The following PTP4A3 variants were observed in gnomAD, a reference collection of about 807,000 sequenced individuals.
PTP4A3 encodes protein tyrosine phosphatase 4A3.
Under a neutral mutation model 15.2 loss-of-function variants are expected in PTP4A3, and 9 were observed. That is an observed-to-expected ratio of 0.59 (90% CI 0.36 to 1.03). The LOEUF (loss-of-function observed/expected upper bound fraction) is 1.03. PTP4A3 is among the 50% of genes least tolerant of loss of function. PTP4A3 has a pLI of 0.02. For missense variants in PTP4A3, 234 were observed against 252.1 expected, an observed-to-expected ratio of 0.93 and a Z score of 0.49; for synonymous variants, 95 against 102.0, an observed-to-expected ratio of 0.93 and a Z score of 0.41.
chr8:141,425,324 C>T lies in PTP4A3; in HGVS notation c.198+184C>T, dbSNP rs1833518623. Among the ~76,000 whole-genome samples the T allele has an allele frequency of 1.3e-5, 2 of 152,068 alleles. No homozygotes were observed. Among genetic ancestry groups the T allele is most frequent in the South Asian group, 4.1e-4 (2 of 4,826 alleles). On this transcript the variant is annotated intron_variant, in intron 3 of 5. Coordinates refer to ENST00000521578, the MANE Select transcript of PTP4A3 (RefSeq NM_032611.3). This position sits in a 1 kb window ranked among gnomAD's most constrained non-coding sequence, Gnocchi z 4.2. Reference sequence around the variant, plus strand: ...GCCAGGGTGTTGGGCCGTGTGACCTCAAGAAAGTCACCCTTGCGCACCCGT... The same window carrying T: ...GCCAGGGTGTTGGGCCGTGTGACCTTAAGAAAGTCACCCTTGCGCACCCGT...
intron 1 of PTP4A3, among the ~76,000 whole-genome samples, chr8:141,403,359 C>G (rs1586539456): frequency 6.6e-6 from 1 of 152,144 alleles, no homozygotes; most frequent in East Asian, 1.9e-4. Flanking sequence ...AGGCTCTGGT[C>G]TGAGAGTCCC....
intron 1 of PTP4A3, among the ~76,000 whole-genome samples, chr8:141,402,308 G>A (rs1020226134): frequency 6.6e-6 from 1 of 152,264 alleles, no homozygotes; most frequent in East Asian, 1.9e-4. Context: ...GCCCTCTGGC[G>A]CCCTGCTCAG....
At chr8:141,416,541 T>A (rs1336172112) in intron 1 of PTP4A3, among the ~76,000 whole-genome samples, 1 of 152,004 alleles carries the variant, frequency 6.6e-6, no homozygotes, top group African/African-American at 2.4e-5. Flanking sequence ...CTGGAAGTGG[T>A]GAGCTGAGAG....
intron 1 of PTP4A3, among the ~76,000 whole-genome samples, chr8:141,398,178 G>A (rs1377600248): frequency 2.0e-5 from 3 of 152,228 alleles, no homozygotes; most frequent in Admixed American, 1.3e-4. Context: ...GAGGGGTGGA[G>A]TGGGCCAGTG....
In PTP4A3 at chr8:141,421,971, G is replaced by C. The variant is rs1190393062; in HGVS notation, c.-270G>C. On this transcript the variant is annotated 5_prime_UTR_variant, in exon 2 of 6. Transcript: ENST00000521578. ...CGCTTTACTTTGGTTGGGTTGGGGG[G>C]GGCGGCGGGCTGTTTTGTTCCTTTT... 2.3e-6 allele frequency: 1 copy of C among 435,428 alleles called. No individual in the cohort carries two copies. The highest frequency in any genetic ancestry group is 2.1e-5 in the African/African-American group (1 of 48,626). 27.0% of individuals were successfully genotyped at this position (435,428 alleles called of 1,614,324 possible). A position where few individuals can be genotyped will look rare whatever the true frequency, so the allele number is the denominator to read the frequency against.
chr8:141,403,098 G>A (rs1212146773), intron 1 of PTP4A3, among the ~76,000 whole-genome samples: 1 of 152,206 alleles, frequency 6.6e-6, no homozygotes, highest in Non-Finnish European at 1.5e-5. Context: ...GGGACTTAGG[G>A]TTAGCCAGCT....
intron 1 of PTP4A3, among the ~76,000 whole-genome samples, chr8:141,402,091 G>A (rs1450609805): frequency 1.3e-5 from 2 of 152,332 alleles, no homozygotes; most frequent in South Asian, 2.1e-4. Flanking sequence ...CCAGGAGAAG[G>A]GAGTTGGGGA....
chr8:141,423,013 T>G (rs930849522), intron 2 of PTP4A3, among the ~76,000 whole-genome samples: 2 of 152,238 alleles, frequency 1.3e-5, no homozygotes, highest in African/African-American at 2.4e-5. Flanking sequence ...TGGGGCCGTT[T>G]GCAGCGTCTG....
intron 1 of PTP4A3, among the ~76,000 whole-genome samples, chr8:141,395,708 G>A (rs577790729): frequency 3.7e-5 from 5 of 133,594 alleles, no homozygotes; most frequent in Admixed American, 3.5e-4. Context: ...TGCAGCCCCC[G>A]TTCATCTACC....
chr8:141,414,223 A>G (rs1832952937), intron 1 of PTP4A3, among the ~76,000 whole-genome samples: 1 of 152,198 alleles, frequency 6.6e-6, no homozygotes, highest in African/African-American at 2.4e-5. Flanking sequence ...TGTCTGAGCC[A>G]CCGACTTGGC....
intron 1 of PTP4A3, among the ~76,000 whole-genome samples, chr8:141,416,171 A>G (rs1833046791): frequency 6.6e-6 from 1 of 151,936 alleles, no homozygotes; most frequent in Non-Finnish European, 1.5e-5. Context: ...ACAGAGCTTG[A>G]TGGGAACTTT....
chr8:141,424,216 G>GA (rs1833461025), intron 2 of PTP4A3, among the ~76,000 whole-genome samples: 1 of 152,180 alleles, frequency 6.6e-6, no homozygotes, highest in African/African-American at 2.4e-5. Flanking sequence ...AGACCCATCA[G>GA]CTGATTCCTC....
In PTP4A3 at chr8:141,422,041, G is replaced by A; in HGVS notation, c.-200G>A. 1.8e-6 allele frequency: 1 copy of A among 540,714 alleles called. No homozygotes were observed. Among genetic ancestry groups the A allele is most frequent in the Non-Finnish European group, 3.2e-6 (1 of 308,114 alleles). 33.5% of individuals were successfully genotyped at this position (540,714 alleles called of 1,614,324 possible). A position where few individuals can be genotyped will look rare whatever the true frequency, so the allele number is the denominator to read the frequency against. On this transcript the variant is annotated 5_prime_UTR_variant, in exon 2 of 6. Transcript: ENST00000521578. ...TTCTTTTTTAATTATCCAAACAGTGGGCAGCTTCCTCCCCCACACCCAAGT... is the reference window on the plus strand; with the variant it reads ...TTCTTTTTTAATTATCCAAACAGTGAGCAGCTTCCTCCCCCACACCCAAGT...
chr8:141,431,296 C>CTCT lies in PTP4A3; in HGVS notation c.*253_*255dup, dbSNP rs1417016836. ...CTGGCGGCGCTGGCCGTGGCTCTGT[C>CTCT]TCTCTGAGGTGGGTCGGGCGCCCTC... On this transcript the variant is annotated 3_prime_UTR_variant, in exon 6 of 6. Transcript: ENST00000521578. The CTCT allele has an allele frequency of 1.8e-6, 1 of 554,838 alleles. No homozygotes were observed. The highest frequency in any genetic ancestry group is 1.9e-5 in the African/African-American group (1 of 52,866). The allele number at this position is 554,838 out of a possible 1,614,324, so 34.4% of individuals were successfully genotyped here. A position where few individuals can be genotyped will look rare whatever the true frequency, so the allele number is the denominator to read the frequency against.
At chr8:141,396,578 C>T (rs555255045) in intron 1 of PTP4A3, among the ~76,000 whole-genome samples, 2 of 152,222 alleles carry the variant, frequency 1.3e-5, no homozygotes, top group African/African-American at 4.8e-5. Context: ...AGGACAGTCC[C>T]GAGCCCTGCC....
chr8:141,407,125 G>T lies in PTP4A3; in HGVS notation c.-853-14263G>T, dbSNP rs116077347. Among the ~76,000 whole-genome samples, 477 of 152,262 alleles carry T rather than the reference G, an allele frequency of 3.1e-3. 6 individuals are homozygous for T. The highest frequency in any genetic ancestry group is 0.011 in the African/African-American group (459 of 41,556). The stretch of plus-strand genomic sequence containing the variant: ...CCCAGCATCCTCCCTTGGCAGCCTG[G>T]CACAGCCCGGACAGAACCTAGAAGG... On this transcript the variant is annotated intron_variant, in intron 1 of 5. Coordinates refer to ENST00000521578, the MANE Select transcript of PTP4A3 (RefSeq NM_032611.3).
At chr8:141,410,819 T>C (rs1362310933) in intron 1 of PTP4A3, among the ~76,000 whole-genome samples, 1 of 152,138 alleles carries the variant, frequency 6.6e-6, no homozygotes, top group Non-Finnish European at 1.5e-5. Flanking sequence ...ACAGTGGCCA[T>C]GGGCTGAGCA....
rs188104183 is a variant in PTP4A3, at chr8:141,412,278, T to C, written c.-853-9110T>C. Among the ~76,000 whole-genome samples, 661 of 152,334 alleles carry C rather than the reference T, an allele frequency of 4.3e-3. 2 individuals carry two copies. Among genetic ancestry groups the C allele is most frequent in the Non-Finnish European group, 7.0e-3 (475 of 68,022 alleles). The stretch of plus-strand genomic sequence containing the variant: ...CCACCCTCAGGGACCACAAGCTTCC[T>C]GGACACCCTGCTGACAGGGTCCCAC... On this transcript the variant is annotated intron_variant, in intron 1 of 5. Coordinates refer to ENST00000521578, the MANE Select transcript of PTP4A3 (RefSeq NM_032611.3).
At chr8:141,413,150 C>A (rs975761131) in intron 1 of PTP4A3, among the ~76,000 whole-genome samples, 1 of 152,174 alleles carries the variant, frequency 6.6e-6, no homozygotes, top group Non-Finnish European at 1.5e-5. Context: ...AGGGGCTGTG[C>A]CTGGTGTGCC....
Sources: allele counts gnomAD v4.1 joint callset (sites outside exome capture counted in the v4.1 genomes callset), GRCh38; gene constraint gnomAD v4.1.1; non-coding constraint Gnocchi (gnomAD v3.1); transcripts MANE v1.5; gene names NCBI Gene and HGNC (gene_info 2026-07-23, HGNC 2026-07-21).